The following PLAC1 variants were observed in gnomAD, a reference collection of about 807,000 sequenced individuals.
The protein encoded by PLAC1 is placenta associated 1.
For synonymous variants in PLAC1, 68 were observed against 62.1 expected (o/e 1.09, Z -0.44); for missense variants, 136 against 163.2 (o/e 0.83, Z 0.91).
chrX:134,718,268 T>A (rs11096403), intron 2 of PLAC1, among the ~76,000 whole-genome samples: 1 of 110,218 alleles, frequency 9.1e-6, no homozygotes, highest in South Asian at 3.9e-4. Context: ...CTCCAGAGAC[T>A]TAGCTCCTAA....
At chrX:134,613,351 C>A (rs925696356) in intron 1 of PLAC1, among the ~76,000 whole-genome samples, 1 of 110,631 alleles carries the variant, frequency 9.0e-6, no homozygotes, top group African/African-American at 3.3e-5. Flanking sequence ...AAAAGACTCA[C>A]AAGACCTGTT....
intron 2 of PLAC1, among the ~76,000 whole-genome samples, chrX:134,729,817 G>A (rs1421376403): frequency 9.0e-6 from 1 of 110,547 alleles, no homozygotes; most frequent in Non-Finnish European, 1.9e-5. Flanking sequence ...TCGAGACGGA[G>A]TTTCGCTCTT....
chrX:134,682,134 G>A (rs1016109471), intron 2 of PLAC1, among the ~76,000 whole-genome samples: 1 of 112,288 alleles, frequency 8.9e-6, no homozygotes, highest in Non-Finnish European at 1.9e-5. Context: ...TATAGTTTCA[G>A]CATACGTTGA....
rs183752627 is a variant in PLAC1 at position 134,657,844 on chromosome X, G to A, written c.-131+484C>T. ...ACACACAGCTAAAAGCAATGATAAAGATAAGTAGGAGAGTAAAGGAAGAGA... is the reference window on the plus strand; with the variant it reads ...ACACACAGCTAAAAGCAATGATAAAAATAAGTAGGAGAGTAAAGGAAGAGA... On this transcript the variant is annotated intron_variant, in intron 1 of 2. Coordinates refer to ENST00000359237, the MANE Select transcript of PLAC1 (RefSeq NM_021796.4). Among the ~76,000 whole-genome samples, 253 of 111,341 alleles carry A rather than the reference G, an allele frequency of 2.3e-3. 5 individuals carry two copies. The highest frequency in any genetic ancestry group is 0.019 in the Admixed American group (204 of 10,497).
chrX:134,680,588 C>CTAAAT (rs2078492158), intron 2 of PLAC1, among the ~76,000 whole-genome samples: 5 of 105,963 alleles, frequency 4.7e-5, no homozygotes, highest in African/African-American at 1.7e-4. Flanking sequence ...CTAAACTAAA[C>CTAAAT]TAAACTAAAC....
chrX:134,612,363 A>G (rs749577373), intron 1 of PLAC1, among the ~76,000 whole-genome samples: 1 of 112,434 alleles, frequency 8.9e-6, no homozygotes, highest in African/African-American at 3.2e-5. Context: ...AGCGTTTAGC[A>G]CAGTGCCGGA....
chrX:134,647,410 CTGTGTGTG>C (rs200761671), intron 1 of PLAC1, among the ~76,000 whole-genome samples: 77 of 90,138 alleles, frequency 8.5e-4, no homozygotes, highest in African/African-American at 2.2e-3. Flanking sequence ...ATGCATGCAT[CTGTGTGTG>C]TGTGTGTGTG....
rs191129701 is a variant in PLAC1 at position 134,582,439 on chromosome X, G to A, written c.-58-15699C>T. Among the ~76,000 whole-genome samples the A allele has an allele frequency of 6.3e-5, 7 of 111,791 alleles. No individual in the cohort carries two copies. In the East Asian group the frequency reaches 1.4e-3, roughly 22 times the overall value. ...TTGTATGTGGGAGATTACAGACCTC[G>A]GGGAGTATTTTTTTAAACTAAGTTT... On this transcript the variant is annotated intron_variant, in intron 2 of 2. Coordinates refer to ENST00000359237, the MANE Select transcript of PLAC1 (RefSeq NM_021796.4).
chrX:134,716,775 G>A (rs930994219), intron 2 of PLAC1, among the ~76,000 whole-genome samples: 4 of 112,249 alleles, frequency 3.6e-5, no homozygotes, highest in African/African-American at 9.7e-5. Context: ...CTGGCATAGC[G>A]TAACGGTTAA....
chrX:134,567,611 A>C (rs2077883428), intron 2 of PLAC1, among the ~76,000 whole-genome samples: 1 of 109,608 alleles, frequency 9.1e-6, no homozygotes, highest in South Asian at 4.0e-4. Flanking sequence ...ACAAAAAACT[A>C]GCTGAGTGTG....
At chrX:134,674,348 C>A (rs1159226542) in intron 2 of PLAC1, among the ~76,000 whole-genome samples, 1 of 112,400 alleles carries the variant, frequency 8.9e-6, no homozygotes, top group Non-Finnish European at 1.9e-5. Context: ...CACTCTTAAT[C>A]TTTGCAATGC....
chrX:134,611,518 C>CATAGAT (rs1556071189), intron 1 of PLAC1, among the ~76,000 whole-genome samples: 3 of 102,371 alleles, frequency 2.9e-5, no homozygotes, highest in Non-Finnish European at 5.9e-5. Context: ...CACACACACA[C>CATAGAT]ATACATATAC....
At chrX:134,665,193 C>T (rs1655114390) in intron 2 of PLAC1, among the ~76,000 whole-genome samples, 5 of 110,539 alleles carry the variant, frequency 4.5e-5, no homozygotes, top group South Asian at 7.7e-4. Context: ...GAGAACATTT[C>T]CAGCTTCTTA....
chrX:134,654,854 C>A (rs988624298), intron 1 of PLAC1, among the ~76,000 whole-genome samples: 3 of 112,475 alleles, frequency 2.7e-5, no homozygotes, highest in Non-Finnish European at 5.6e-5. Context: ...CTGATTGATA[C>A]CCACAGTATT....
intron 1 of PLAC1, among the ~76,000 whole-genome samples, chrX:134,610,519 C>T (rs967675900): frequency 9.0e-6 from 1 of 111,640 alleles, no homozygotes; most frequent in African/African-American, 3.3e-5. Context: ...TCCTTGTCAA[C>T]GTGGAGGGTC....
intron 1 of PLAC1, among the ~76,000 whole-genome samples, chrX:134,635,138 C>T (rs1314562985): frequency 9.0e-6 from 1 of 111,363 alleles, no homozygotes; most frequent in Non-Finnish European, 1.9e-5. Flanking sequence ...CTTTTATAAG[C>T]AAGTATTTTT....
At chrX:134,577,156 G>A (rs1463624216) in intron 2 of PLAC1, among the ~76,000 whole-genome samples, 1 of 112,215 alleles carries the variant, frequency 8.9e-6, no homozygotes, top group Non-Finnish European at 1.9e-5. Flanking sequence ...TAGAAAGAAA[G>A]GGGCCAGTTA....
chrX:134,726,771 C>A (rs911815534), intron 2 of PLAC1, among the ~76,000 whole-genome samples: 3 of 87,969 alleles, frequency 3.4e-5, no homozygotes, highest in African/African-American at 4.6e-5. Flanking sequence ...TACAGTGAGC[C>A]GAGATCACAC....
At chrX:134,567,338 C>A (rs758982932) in intron 2 of PLAC1, among the ~76,000 whole-genome samples, 4 of 112,263 alleles carry the variant, frequency 3.6e-5, no homozygotes, top group African/African-American at 1.3e-4. Context: ...GTCATTATGA[C>A]CAATAGAGTC....
Sources: gnomAD v4.1 joint callset for allele counts (sites outside exome capture counted in the v4.1 genomes callset) on GRCh38, gnomAD v4.1.1 for gene constraint, MANE v1.5 for transcripts, NCBI Gene and HGNC (gene_info 2026-07-23, HGNC 2026-07-21) for gene names.